Variants in ZNHIT6 observed in about 807,000 individuals in gnomAD.
ZNHIT6 encodes box C/D snoRNA protein 1.
A neutral mutation model predicts 57.2 loss-of-function variants in ZNHIT6; 45 were observed. The observed-to-expected ratio is 0.79, with a 90% confidence interval of 0.62 to 1.01. The LOEUF is 1.01. ZNHIT6 is among the 50% of genes least tolerant of loss of function. The pLI, the probability that ZNHIT6 is intolerant of heterozygous loss-of-function variation, is 0.00. For synonymous variants in ZNHIT6, 188 were observed against 190.0 expected, an observed-to-expected ratio of 0.99 and a Z score of 0.09; for missense variants, 528 against 567.3, an observed-to-expected ratio of 0.93 and a Z score of 0.70.
At chr1:85,679,565 T>TTC (rs1306020993) in intron 6 of ZNHIT6, among the ~76,000 whole-genome samples, 1 of 138,202 alleles carries the variant, frequency 7.2e-6, no homozygotes, top group Non-Finnish European at 1.5e-5. Context: ...ATTAAAATGT[T>TTC]TTTTTTTTTT....
intron 5 of ZNHIT6, among the ~76,000 whole-genome samples, chr1:85,685,256 T>C (rs1347795241): frequency 6.6e-6 from 1 of 152,170 alleles, no homozygotes; most frequent in Non-Finnish European, 1.5e-5. Context: ...CACCACTTTA[T>C]ATAATAGAAA....
intron 5 of ZNHIT6, among the ~76,000 whole-genome samples, chr1:85,694,745 C>A (rs1432385616): frequency 6.6e-6 from 1 of 152,184 alleles, no homozygotes; most frequent in Non-Finnish European, 1.5e-5. Context: ...CAGGCATGAG[C>A]CACCACGGCT....
At chr1:85,699,246 C>T (rs892605861) in intron 5 of ZNHIT6, among the ~76,000 whole-genome samples, 1 of 152,074 alleles carries the variant, frequency 6.6e-6, no homozygotes, top group Non-Finnish European at 1.5e-5. Context: ...AAACCTTGCT[C>T]ATTTTCATAT....
At chr1:85,699,223 T>C (rs544111219) in intron 5 of ZNHIT6, among the ~76,000 whole-genome samples, 9 of 152,204 alleles carry the variant, frequency 5.9e-5, no homozygotes, top group Non-Finnish European at 1.2e-4. Context: ...GCAAATACCA[T>C]TGCAATCATC....
At chr1:85,705,285 C>T (rs755853787) in intron 4 of ZNHIT6, among the ~76,000 whole-genome samples, 3 of 152,090 alleles carry the variant, frequency 2.0e-5, no homozygotes, top group Non-Finnish European at 4.4e-5. Flanking sequence ...GCAATCATGG[C>T]TCACTGCAGC....
intron 8 of ZNHIT6, among the ~76,000 whole-genome samples, chr1:85,670,602 T>G (rs1051460464): frequency 2.0e-5 from 3 of 152,200 alleles, no homozygotes; most frequent in African/African-American, 7.2e-5. Context: ...ATCATGTGAT[T>G]TAAGTTTTAT....
chr1:85,676,861 A>C (rs1344640354), intron 8 of ZNHIT6, among the ~76,000 whole-genome samples: 1 of 152,246 alleles, frequency 6.6e-6, no homozygotes, highest in Non-Finnish European at 1.5e-5. Flanking sequence ...CTTGAACTGA[A>C]CATGTGCTGT....
At chr1:85,690,083 G>A (rs536965178) in intron 5 of ZNHIT6, among the ~76,000 whole-genome samples, 79 of 152,248 alleles carry the variant, frequency 5.2e-4, no homozygotes, top group African/African-American at 1.2e-3. Flanking sequence ...AGAATATATG[G>A]AATAAAAAGA....
intron 5 of ZNHIT6, among the ~76,000 whole-genome samples, chr1:85,701,109 T>C (rs945951308): frequency 2.6e-5 from 4 of 152,264 alleles, no homozygotes; most frequent in Non-Finnish European, 4.4e-5. Flanking sequence ...AAACCATTTT[T>C]ACAAATGTTT....
chr1:85,660,567 C>A (rs943772646), intron 8 of ZNHIT6, among the ~76,000 whole-genome samples: 118 of 152,172 alleles, frequency 7.8e-4, no homozygotes, highest in African/African-American at 2.7e-3. Flanking sequence ...ATGTTCCTAG[C>A]AGAGGAATGT....
At chr1:85,674,387 AT>A (rs1406623008) in intron 8 of ZNHIT6, among the ~76,000 whole-genome samples, 6 of 151,894 alleles carry the variant, frequency 4.0e-5, no homozygotes, top group African/African-American at 1.5e-4. Context: ...TGCCTGCCTC[AT>A]CCTCCCAAAG....
chr1:85,698,211 A>G lies in ZNHIT6; in HGVS notation c.1019+3946T>C, dbSNP rs1015571276. 2.6e-5 allele frequency among the ~76,000 whole-genome samples: 4 copies of G among 152,164 alleles called. No individual in the cohort carries two copies. In the East Asian group the frequency reaches 7.7e-4, roughly 29 times the overall value. On this transcript the variant is annotated intron_variant, in intron 5 of 9. Coordinates refer to ENST00000370574, the MANE Select transcript of ZNHIT6 (RefSeq NM_017953.4). ...TCTAAAATTCATCCTCATTGCATCTATTTTTGACTTCACAGACTTCACCTC... is the reference window on the plus strand; with the variant it reads ...TCTAAAATTCATCCTCATTGCATCTGTTTTTGACTTCACAGACTTCACCTC...
chr1:85,682,404 T>C (rs542177453), intron 5 of ZNHIT6, among the ~76,000 whole-genome samples: 20 of 152,228 alleles, frequency 1.3e-4, no homozygotes, highest in African/African-American at 4.8e-4. Context: ...AAAAAAGGAT[T>C]ACCAACTTGC....
At chr1:85,662,167 A>AG (rs201075107) in intron 8 of ZNHIT6, among the ~76,000 whole-genome samples, 2,919 of 151,430 alleles carry the variant, frequency 0.019, 64 homozygotes, top group Middle Eastern at 0.037. Flanking sequence ...AAAAAAAAAA[A>AG]AAAACCTCCT....
rs138848779 is a variant in ZNHIT6 at position 85,678,768 on chromosome 1, T to G, written c.1102A>C (p.Lys368Gln). The G allele has an allele frequency of 3.5e-5, 54 of 1,564,874 alleles. No homozygotes were observed. In the African/African-American group the frequency reaches 5.5e-4, roughly 16 times the overall value. ...GGTTTTAGGATTTCATTAATAGTTT[T>G]ATCATCTGGTACTCTTTACAACAAA... is the stretch of plus-strand genomic sequence containing the variant. ...EYIEKRVPDDKTINEILKPYI... is the reference protein window; with the variant it reads ...EYIEKRVPDDQTINEILKPYI... The change falls in exon 7 of 10, where the codon AAA becomes CAA. Residue 368 changes from lysine to glutamine, a missense_variant. Physicochemically the swap from Lys to Gln is moderately conservative, Grantham distance 53. Transcript: ENST00000370574.
intron 8 of ZNHIT6, among the ~76,000 whole-genome samples, chr1:85,670,379 C>T (rs1661525445): frequency 1.3e-5 from 2 of 152,048 alleles, no homozygotes; most frequent in Admixed American, 6.6e-5. Context: ...TTGCCCAAGC[C>T]CTGCTTAAGG....
chr1:85,698,988 C>T (rs1216542429), intron 5 of ZNHIT6, among the ~76,000 whole-genome samples: 1 of 151,990 alleles, frequency 6.6e-6, no homozygotes. Flanking sequence ...TTCATTTAAT[C>T]CTCTCAATAA....
At chr1:85,690,531 G>A (rs1662186778) in intron 5 of ZNHIT6, among the ~76,000 whole-genome samples, 1 of 152,070 alleles carries the variant, frequency 6.6e-6, no homozygotes, top group South Asian at 2.1e-4. Context: ...TCGAAAGGCT[G>A]GGGCAGGGAG....
chr1:85,667,960 A>ATGT (rs1323867548), intron 8 of ZNHIT6, among the ~76,000 whole-genome samples: 6 of 74,198 alleles, frequency 8.1e-5, no homozygotes, highest in Non-Finnish European at 1.7e-4. Context: ...AAAAAAAAAA[A>ATGT]AATATATATA....
Sources: allele counts gnomAD v4.1 joint callset (sites outside exome capture counted in the v4.1 genomes callset), GRCh38; gene constraint gnomAD v4.1.1; transcripts MANE v1.5; gene names NCBI Gene and HGNC (gene_info 2026-07-23, HGNC 2026-07-21).